Variants in FRMD5 observed in about 807,000 individuals in gnomAD.
The protein encoded by FRMD5 is FERM domain-containing protein 5.
In FRMD5, 20 loss-of-function variants were observed where a neutral mutation model predicts 69.0. The observed-to-expected ratio is 0.29, with a 90% CI of 0.20 to 0.42. The LOEUF (loss-of-function observed/expected upper bound fraction) is 0.42, where lower values mean the gene tolerates loss of function less well. Among genes scored for constraint, FRMD5 ranks in the 10% least tolerant of loss-of-function variants. The pLI, the probability that FRMD5 is intolerant of heterozygous loss-of-function variation, is 1.00. For synonymous variants in FRMD5, 271 were observed against 260.1 expected (o/e 1.04, Z -0.40); for missense variants, 595 against 708.6 (o/e 0.84, Z 1.82).
chr15:44,059,581 G>C (rs918984368), intron 1 of FRMD5, among the ~76,000 whole-genome samples: 14 of 152,018 alleles, frequency 9.2e-5, no homozygotes, highest in Admixed American at 9.2e-4. Context: ...GCACAATCTT[G>C]GCTCATTGCA....
chr15:43,996,633 C>T (rs1023713805), intron 1 of FRMD5, among the ~76,000 whole-genome samples: 2 of 151,032 alleles, frequency 1.3e-5, no homozygotes, highest in East Asian at 3.9e-4. Context: ...GATGTTCAAA[C>T]CCTCAGTTTC....
intron 1 of FRMD5, among the ~76,000 whole-genome samples, chr15:44,019,152 C>T (rs887360265): frequency 7.9e-5 from 12 of 152,106 alleles, no homozygotes; most frequent in African/African-American, 2.9e-4. Flanking sequence ...CTTCGGCCTC[C>T]AAAAGTTCTG....
intron 1 of FRMD5, among the ~76,000 whole-genome samples, chr15:43,979,702 G>A (rs1361678792): frequency 6.6e-6 from 1 of 152,190 alleles, no homozygotes; most frequent in Non-Finnish European, 1.5e-5. Flanking sequence ...TCAGGCATTA[G>A]TGGAGATACT....
chr15:44,042,906 T>C (rs920858012), intron 1 of FRMD5, among the ~76,000 whole-genome samples: 7 of 152,140 alleles, frequency 4.6e-5, no homozygotes, highest in South Asian at 2.1e-4. Context: ...CTATTCAACA[T>C]AGTATTGGAA....
intron 1 of FRMD5, among the ~76,000 whole-genome samples, chr15:43,992,918 G>C (rs1189251870): frequency 1.3e-5 from 2 of 151,970 alleles, no homozygotes; most frequent in Non-Finnish European, 2.9e-5. Context: ...TCACCCCTTA[G>C]CACTGCTTTT....
At chr15:43,890,411 C>T (rs554261366) in intron 8 of FRMD5, among the ~76,000 whole-genome samples, 1 of 152,254 alleles carries the variant, frequency 6.6e-6, no homozygotes, top group African/African-American at 2.4e-5. Flanking sequence ...AATTTAGGGA[C>T]TGCAGGTGTC....
chr15:44,148,295 G>A (rs539440299), intron 1 of FRMD5, among the ~76,000 whole-genome samples: 11 of 150,050 alleles, frequency 7.3e-5, no homozygotes, highest in Admixed American at 3.3e-4. Flanking sequence ...TTTTTGAGAC[G>A]GAGTCTCGCT....
In FRMD5 at chr15:44,060,026, C is replaced by G. The variant is rs186325646; in HGVS notation, c.102+134927G>C. On this transcript the variant is annotated intron_variant, in intron 1 of 13. Coordinates refer to ENST00000417257, the MANE Select transcript of FRMD5 (RefSeq NM_032892.5). ...GAAAAGCCTTCTTCCAATCTGCTGA[C>G]AATGTGTACGACACAAAGGAGAAGA... Among the ~76,000 whole-genome samples the G allele has an allele frequency of 3.2e-4, 49 of 152,308 alleles. 1 individual carries two copies. The highest frequency in any genetic ancestry group is 1.2e-3 in the African/African-American group (49 of 41,568).
chr15:44,179,528 G>A (rs1030869901), intron 1 of FRMD5, among the ~76,000 whole-genome samples: 2 of 152,288 alleles, frequency 1.3e-5, no homozygotes, highest in East Asian at 1.9e-4. Context: ...TGTATTTTGT[G>A]TTCTGCAAAC....
intron 6 of FRMD5, among the ~76,000 whole-genome samples, chr15:43,904,288 T>C (rs1396136998): frequency 1.3e-5 from 2 of 152,254 alleles, no homozygotes; most frequent in Admixed American, 6.5e-5. Flanking sequence ...AGGCATAGTC[T>C]TTCCTCGGAA....
chr15:44,066,650 C>T (rs1333220733), intron 1 of FRMD5, among the ~76,000 whole-genome samples: 1 of 151,824 alleles, frequency 6.6e-6, no homozygotes, highest in African/African-American at 2.4e-5. Context: ...ATAGATAACT[C>T]GATATTAAAT....
At chr15:44,011,256 A>C (rs891837320) in intron 1 of FRMD5, among the ~76,000 whole-genome samples, 6 of 138,978 alleles carry the variant, frequency 4.3e-5, no homozygotes, top group Non-Finnish European at 9.4e-5. Context: ...TAAGTAGAGA[A>C]CTGAAGACGA....
chr15:43,878,932 CTT>C (rs71421808), intron 13 of FRMD5, among the ~76,000 whole-genome samples: 23 of 112,882 alleles, frequency 2.0e-4, no homozygotes, highest in African/African-American at 4.0e-4. Context: ...TTTTTCTTTT[CTT>C]TTTTTTTTTT....
intron 1 of FRMD5, among the ~76,000 whole-genome samples, chr15:44,101,781 G>A (rs1321004074): frequency 1.3e-5 from 2 of 152,194 alleles, no homozygotes; most frequent in Non-Finnish European, 2.9e-5. Context: ...AGGTGGTTAT[G>A]ACATTGTTTC....
rs1367675302 is a variant in FRMD5 at position 44,070,391 on chromosome 15, GAATGCTTGAACAAAT to G, written c.102+124547_102+124561del. On this transcript the variant is annotated intron_variant, in intron 1 of 13. Coordinates refer to ENST00000417257, the MANE Select transcript of FRMD5 (RefSeq NM_032892.5). ...TCATTGAGAGTCTGCTTCTGTTCCA[GAATGCTTGAACAAAT>G]AATGCTTGAACAAAAGCTTAAAGAA... 4.0e-5 allele frequency among the ~76,000 whole-genome samples: 6 copies of G among 150,732 alleles called. No homozygotes were observed. The East Asian group carries it at 9.7e-4, about 24-fold the overall frequency.
chr15:44,022,541 T>A (rs540760925), intron 1 of FRMD5, among the ~76,000 whole-genome samples: 2 of 117,882 alleles, frequency 1.7e-5, no homozygotes, highest in East Asian at 5.6e-4. Context: ...ACCACTGTAC[T>A]CCAGCCTGGG....
At chr15:43,957,381 G>C (rs1466698050) in intron 1 of FRMD5, among the ~76,000 whole-genome samples, 1 of 152,146 alleles carries the variant, frequency 6.6e-6, no homozygotes, top group African/African-American at 2.4e-5. Context: ...ATTTTTAGTA[G>C]AGACAGGATT....
chr15:43,980,826 A>G (rs901384121), intron 1 of FRMD5, among the ~76,000 whole-genome samples: 3 of 152,148 alleles, frequency 2.0e-5, no homozygotes, highest in African/African-American at 7.2e-5. Context: ...GGTGCTGCTC[A>G]TTTTTGTGTA....
intron 1 of FRMD5, among the ~76,000 whole-genome samples, chr15:43,958,421 G>C (rs1296736746): frequency 1.3e-5 from 2 of 151,056 alleles, no homozygotes; most frequent in African/African-American, 4.8e-5. Flanking sequence ...GTAAATTTTT[G>C]TTTTTTTGTT....
Sources: allele counts gnomAD v4.1 joint callset (sites outside exome capture counted in the v4.1 genomes callset), GRCh38; gene constraint gnomAD v4.1.1; transcripts MANE v1.5; gene names NCBI Gene and HGNC (gene_info 2026-07-23, HGNC 2026-07-21).